CRB2: variants seen among roughly 807,000 people sequenced by gnomAD.
The protein encoded by CRB2 is protein crumbs homolog 2.
A neutral mutation model predicts 110.9 loss-of-function variants in CRB2; 85 were observed. The ratio of observed to expected loss-of-function variants is 0.77; its 90% confidence interval spans 0.64 to 0.92. CRB2 has a LOEUF of 0.92. CRB2 is among the 40% of genes least tolerant of loss of function. The pLI is 0.00. For synonymous variants in CRB2, 907 were observed against 831.0 expected (o/e 1.09, Z -1.57); for missense variants, 1,843 against 1,851.3 (o/e 1.00, Z 0.08).
rs1255793998 is a variant in CRB2, at chr9:123,376,217, G to A, written c.3634-621G>A. Among the ~76,000 whole-genome samples the A allele has an allele frequency of 3.3e-5, 5 of 152,288 alleles. No individual in the cohort carries two copies. In the East Asian group the frequency reaches 7.7e-4, roughly 24 times the overall value. ...GACCCAGGTCACAGTGGGCTGGGAAGCCTGGAGGTACAGAGGGAGGCTGGT... is the reference window on the plus strand; with the variant it reads ...GACCCAGGTCACAGTGGGCTGGGAAACCTGGAGGTACAGAGGGAGGCTGGT... On this transcript the variant is annotated intron_variant, in intron 12 of 12. Transcript: ENST00000373631.
chr9:123,370,039 T>A (rs2132771163), intron 6 of CRB2, 69 bp from the exon 7 acceptor site: 2 of 1,501,980 alleles, frequency 1.3e-6, no homozygotes, highest in East Asian at 4.5e-5. Flanking sequence ...AAGAGGCATG[T>A]AAGTTCTGGG....
chr9:123,365,770 T>G, intron 2 of CRB2, 147 bp from the exon 3 acceptor site: 2 of 697,248 alleles, frequency 2.9e-6, no homozygotes, highest in Middle Eastern at 3.7e-4. Flanking sequence ...GCATGACCCG[T>G]CCCCCACCCC....
intron 12 of CRB2, among the ~76,000 whole-genome samples, chr9:123,375,854 G>A (rs560135558): frequency 2.0e-5 from 3 of 152,232 alleles, no homozygotes; most frequent in South Asian, 4.1e-4. Flanking sequence ...ACAGACGAAG[G>A]CAGCAGGCGC....
chr9:123,356,339 C>T lies in CRB2; in HGVS notation c.79C>T (p.Leu27Phe). The T allele has an allele frequency of 6.5e-7, 1 of 1,547,368 alleles. No individual in the cohort carries two copies. Among genetic ancestry groups the T allele is most frequent in the African/African-American group, 1.4e-5 (1 of 73,022 alleles). The change falls in exon 1 of 13, where the codon CTT becomes TTT. Residue 27 changes from leucine (L) to phenylalanine (F), a missense_variant. By Grantham distance (22) the Leu-to-Phe change is conservative. Coordinates refer to ENST00000373631, the MANE Select transcript of CRB2 (RefSeq NM_173689.7). ...VLLLLLWAPALSLLAGTVPSE... is the reference protein window; with the variant it reads ...VLLLLLWAPAFSLLAGTVPSE... Reference sequence around the variant, plus strand: ...GCTACTGCTGCTCTGGGCCCCTGCCCTTTCCCTCCTGGCTGGTGAGTTGGG... The same window carrying T: ...GCTACTGCTGCTCTGGGCCCCTGCCTTTTCCCTCCTGGCTGGTGAGTTGGG...
intron 1 of CRB2, among the ~76,000 whole-genome samples, chr9:123,357,446 G>A (rs1020938238): frequency 4.6e-5 from 7 of 152,182 alleles, no homozygotes; most frequent in Admixed American, 4.6e-4. Flanking sequence ...GTCCCACCTG[G>A]GGACCCTCAT....
At chr9:123,378,832 T>TTTTG (rs2042153877), downstream of CRB2, 2 of 134,940 alleles carry the variant, frequency 1.5e-5, no homozygotes, top group Non-Finnish European at 3.1e-5. Flanking sequence ...TTTTTTTTTT[T>TTTTG]GAGATGGAGT....
upstream of CRB2, among the ~76,000 whole-genome samples, chr9:123,355,571 G>A (rs1050912871): frequency 2.0e-5 from 3 of 150,514 alleles, no homozygotes; most frequent in African/African-American, 7.4e-5. Flanking sequence ...GTGTGTGGTC[G>A]GGTGGGACGG....
chr9:123,373,541 A>G lies in CRB2; in HGVS notation c.3010A>G (p.Ile1004Val), dbSNP rs767858688. 2 of 1,487,430 alleles carry G rather than the reference A, an allele frequency of 1.3e-6. No homozygotes were observed. Among genetic ancestry groups the G allele is most frequent in the Admixed American group, 2.1e-5 (1 of 46,696 alleles). 92.1% of individuals were successfully genotyped at this position (1,487,430 alleles called of 1,614,324 possible). A position where few individuals can be genotyped will look rare whatever the true frequency, so the allele number is the denominator to read the frequency against. ...GFLQGPGAVR[I>V]LLAENFTGCL... is the part of the protein sequence containing the mutation. ...CCTGCAGGGCCCGGGTGCTGTGCGC[A>G]TCCTGCTGGCTGAGAACTTCACCGG... Residue 1004 changes from isoleucine (I) to valine (V), a missense_variant, in exon 10 of 13, where the codon ATC becomes GTC. Transcript: ENST00000373631.
chr9:123,374,182 C>G lies in CRB2; in HGVS notation c.3389+262C>G, dbSNP rs571520148. The G allele has an allele frequency of 3.5e-5, 22 of 621,926 alleles. No individual in the cohort carries two copies. In the African/African-American group the frequency reaches 4.1e-4, roughly 12 times the overall value. The allele number at this position is 621,926 out of a possible 1,614,324, so 38.5% of individuals were successfully genotyped here. Reference sequence around the variant, plus strand: ...CTGCCGCTTACACGGAGGTTCATCCCTATTGGTGGCTGGTTGGGGTGGAGG... The same window carrying G: ...CTGCCGCTTACACGGAGGTTCATCCGTATTGGTGGCTGGTTGGGGTGGAGG... On this transcript the variant is annotated intron_variant, in intron 10 of 12. Transcript: ENST00000373631.
Position 123,375,327 on chromosome 9 carries a change from A to G in CRB2, c.3617A>G (p.Gln1206Arg). 1.3e-6 allele frequency: 2 copies of G among 1,597,614 alleles called. No homozygotes were observed. Among genetic ancestry groups the G allele is most frequent in the Non-Finnish European group, 1.7e-6 (2 of 1,170,746 alleles). The change falls in exon 12 of 13, where the codon CAG (glutamine) becomes CGG (arginine). Residue 1206 changes from glutamine (Q) to arginine (R), a missense_variant. Transcript: ENST00000373631. The stretch of plus-strand genomic sequence containing the variant: ...ATCTGCAATGCCAGATTCTCCGGCC[A>G]GTTCTGTGAAGTGGCGGTGAGTGTT... ...ECICNARFSGQFCEVAKGLPL... is the reference protein window; with the variant it reads ...ECICNARFSGRFCEVAKGLPL...
chr9:123,372,320 G>A lies in CRB2; in HGVS notation c.2580G>A (p.Glu860=). 1 of 1,604,468 alleles carries A rather than the reference G, an allele frequency of 6.2e-7. No homozygotes were observed. Among genetic ancestry groups the A allele is most frequent in the Non-Finnish European group, 8.5e-7 (1 of 1,174,994 alleles). The part of the protein sequence containing the change: ...GQPCLPPATC[E]EVPDGFVCVA... ...CCTGTCTCCCACCTGCCACGTGTGA[G>A]GAGGTCCCTGATGGCTTTGTGTGTG... Residue 860 remains glutamate (E), a synonymous_variant, in exon 9 of 13, where the codon GAG becomes GAA. Transcript: ENST00000373631.
chr9:123,364,581 G>C (rs1234913127), intron 2 of CRB2, among the ~76,000 whole-genome samples: 1 of 152,170 alleles, frequency 6.6e-6, no homozygotes, highest in Non-Finnish European at 1.5e-5. Flanking sequence ...GAGGAGGGAA[G>C]GGTCATGGGA....
upstream of CRB2, among the ~76,000 whole-genome samples, chr9:123,355,194 C>A (rs2041784483): frequency 6.6e-6 from 1 of 152,160 alleles, no homozygotes; most frequent in Non-Finnish European, 1.5e-5. Context: ...GACCTGGCTT[C>A]CTGAACCAGG....
chr9:123,379,439 T>C (rs992889252), downstream of CRB2, among the ~76,000 whole-genome samples: 9 of 152,168 alleles, frequency 5.9e-5, no homozygotes, highest in African/African-American at 2.2e-4. Context: ...GCAGGCCTGT[T>C]GCCAGCCCAA....
At chr9:123,379,074 G>C (rs1479051113), downstream of CRB2, among the ~76,000 whole-genome samples, 3 of 151,772 alleles carry the variant, frequency 2.0e-5, no homozygotes, top group Non-Finnish European at 2.9e-5. Flanking sequence ...TATAGGTGTG[G>C]GATGACAGGT....
rs148134170 is a variant in CRB2, at chr9:123,370,624, T to A, written c.1571T>A (p.Val524Asp). 1 of 1,611,532 alleles carries A rather than the reference T, an allele frequency of 6.2e-7. No homozygotes were observed. Among genetic ancestry groups the A allele is most frequent in the Non-Finnish European group, 8.5e-7 (1 of 1,180,010 alleles). Residue 524 changes from valine to aspartate, a missense_variant, in exon 7 of 13, where the codon GTT becomes GAT. Physicochemically the swap from Val to Asp is radical, Grantham distance 152 (BLOSUM62 -3). Transcript: ENST00000373631. ...GATGGCCATTGGCACCAGGTGGAGG[T>A]TGTGCTCCATCTAGCGACCCTGGAG... ...LNDGHWHQVE[V>D]VLHLATLELR... is the part of the protein sequence containing the mutation.
At chr9:123,372,446 A>G (rs1246909728) in intron 9 of CRB2, 104 bp downstream of exon 9, 1 of 1,432,606 alleles carries the variant, frequency 7.0e-7, no homozygotes, top group East Asian at 2.3e-5. Context: ...TGGACCAGGC[A>G]TGCCAAGCCC....
At chr9:123,356,398 TC>T in intron 1 of CRB2, 44 bp downstream of exon 1, 2 of 1,453,932 alleles carry the variant, frequency 1.4e-6, no homozygotes, top group Non-Finnish European at 9.2e-7. Context: ...AGAGGGTCTG[TC>T]CCCCAAGACA....
rs189806129 is a variant in CRB2, at chr9:123,357,367, G to A, written c.94+1013G>A. 3.3e-5 allele frequency among the ~76,000 whole-genome samples: 5 copies of A among 152,150 alleles called. No homozygotes were observed. The East Asian group carries it at 9.7e-4, about 29-fold the overall frequency. On this transcript the variant is annotated intron_variant, in intron 1 of 12. Coordinates refer to ENST00000373631, the MANE Select transcript of CRB2 (RefSeq NM_173689.7). The stretch of plus-strand genomic sequence containing the variant: ...AGCCAAGGAGGGCCTGGGCTCTCCT[G>A]AGGCTGGGGGAGCCCTCCCTGCCCC...
Sources: allele counts gnomAD v4.1 joint callset (sites outside exome capture counted in the v4.1 genomes callset), GRCh38; gene constraint gnomAD v4.1.1; transcripts MANE v1.5; gene names NCBI Gene and HGNC (gene_info 2026-07-23, HGNC 2026-07-21).